Variants in DTL observed in about 807,000 individuals in gnomAD.
DTL encodes the protein denticleless E3 ubiquitin protein ligase adapter.
A neutral mutation model predicts 87.0 loss-of-function variants in DTL; 46 were observed. The observed-to-expected ratio is 0.53, with a 90% CI of 0.42 to 0.68. DTL has a LOEUF of 0.68. Among genes scored for constraint, DTL ranks in the 30% least tolerant of loss-of-function variants. The pLI, the probability that DTL is intolerant of heterozygous loss-of-function variation, is 0.00. For missense variants in DTL, 737 were observed against 869.4 expected (o/e 0.85, Z 1.91); for synonymous variants, 308 against 311.2 (o/e 0.99, Z 0.11).
chr1:212,045,483 A>C lies in DTL; in HGVS notation c.277+725A>C, dbSNP rs1412054163. ...ATTAATCAAGCATTTTTCATGTTTAAAGCAAAGTTCTAACCTTAAGAAGCT... is the reference window on the plus strand; with the variant it reads ...ATTAATCAAGCATTTTTCATGTTTACAGCAAAGTTCTAACCTTAAGAAGCT... On this transcript the variant is annotated intron_variant, in intron 3 of 14. Coordinates refer to ENST00000366991, the MANE Select transcript of DTL (RefSeq NM_016448.4). Among the ~76,000 whole-genome samples the C allele has an allele frequency of 2.0e-5, 3 of 152,240 alleles. No homozygotes were observed. The East Asian group carries it at 5.8e-4, about 29-fold the overall frequency.
At chr1:212,093,923 A>G (rs1458950476) in intron 13 of DTL, among the ~76,000 whole-genome samples, 1 of 152,110 alleles carries the variant, frequency 6.6e-6, no homozygotes, top group African/African-American at 2.4e-5. Flanking sequence ...ATTCCGTATC[A>G]TTTAAAGGGA....
chr1:212,056,469 A>G (rs1419944232), intron 5 of DTL, among the ~76,000 whole-genome samples: 1 of 152,174 alleles, frequency 6.6e-6, no homozygotes, highest in Non-Finnish European at 1.5e-5. Flanking sequence ...TCCAACCATC[A>G]CCATAGATAC....
Position 212,100,627 on chromosome 1 carries a change from A to G in DTL, c.1637A>G (p.Glu546Gly). The change falls in exon 14 of 15, where the codon GAG (glutamate) becomes GGG (glycine). Residue 546 changes from glutamate (E) to glycine (G), a missense_variant. Physicochemically the swap from Glu to Gly is moderately conservative, Grantham distance 98. Coordinates refer to ENST00000366991, the MANE Select transcript of DTL (RefSeq NM_016448.4). Reference protein sequence around the residue: ...QKSSQAEACSESRNRVKRRLD... With the variant: ...QKSSQAEACSGSRNRVKRRLD... ...TCATCCCAAGCAGAGGCTTGCTCTG[A>G]GTCTAGAAATAGAGTAAAGAGGAGG... The G allele has an allele frequency of 6.2e-7, 1 of 1,614,046 alleles. No homozygotes were observed. The highest frequency in any genetic ancestry group is 8.5e-7 in the Non-Finnish European group (1 of 1,180,018).
intron 5 of DTL, among the ~76,000 whole-genome samples, chr1:212,048,252 C>G (rs1056979567): frequency 6.6e-6 from 1 of 152,054 alleles, no homozygotes; most frequent in Non-Finnish European, 1.5e-5. Context: ...TGCAGAGGCT[C>G]GATCTCAGCT....
intron 5 of DTL, among the ~76,000 whole-genome samples, chr1:212,051,349 C>T (rs1363310151): frequency 1.4e-5 from 2 of 146,100 alleles, no homozygotes; most frequent in East Asian, 2.1e-4. Context: ...TAGTGTGAGT[C>T]TGATGGTAAT....
intron 13 of DTL, among the ~76,000 whole-genome samples, chr1:212,090,586 A>G (rs995118908): frequency 2.6e-5 from 4 of 152,192 alleles, no homozygotes; most frequent in African/African-American, 9.7e-5. Context: ...CCCGAGAGGG[A>G]AGAAGCATGA....
At chr1:212,098,073 C>T (rs1655502754) in intron 13 of DTL, among the ~76,000 whole-genome samples, 1 of 152,128 alleles carries the variant, frequency 6.6e-6, no homozygotes, top group Non-Finnish European at 1.5e-5. Flanking sequence ...GTGATGTGAT[C>T]TGTCTTCAGG....
At chr1:212,075,406 G>A (rs1654797896) in intron 11 of DTL, among the ~76,000 whole-genome samples, 1 of 152,116 alleles carries the variant, frequency 6.6e-6, no homozygotes, top group Non-Finnish European at 1.5e-5. Context: ...GGATATAAAT[G>A]TCTCTTAGAC....
chr1:212,035,977 C>T, intron 1 of DTL, 35 bp downstream of exon 1: 2 of 1,607,560 alleles, frequency 1.2e-6, no homozygotes, highest in Non-Finnish European at 1.7e-6. Flanking sequence ...TCGGAGCTGG[C>T]GGAATTCATT....
rs888377377 is a variant in DTL at position 212,072,302 on chromosome 1, C to T, written c.1035+89C>T. ...CCAATATGAGATAAGTTTAATGTAA[C>T]CACGTGCTATACTATTCCTGCATCA... On this transcript the variant is annotated intron_variant, in intron 11 of 14. Transcript: ENST00000366991. 4.0e-6 allele frequency: 4 copies of T among 991,354 alleles called. No homozygotes were observed. In the African/African-American group the frequency reaches 6.4e-5, roughly 16 times the overall value. 61.4% of individuals were successfully genotyped at this position (991,354 alleles called of 1,614,324 possible). A position where few individuals can be genotyped will look rare whatever the true frequency, so the allele number is the denominator to read the frequency against.
intron 5 of DTL, 86 bp downstream of exon 5, chr1:212,047,503 C>G (rs1667840630): frequency 2.0e-6 from 3 of 1,535,056 alleles, no homozygotes; most frequent in Non-Finnish European, 2.7e-6. Flanking sequence ...ACCCTTTCCC[C>G]TGTCAAAGTT....
intron 7 of DTL, among the ~76,000 whole-genome samples, chr1:212,065,753 T>C (rs1301530016): frequency 1.3e-5 from 2 of 152,216 alleles, no homozygotes; most frequent in African/African-American, 4.8e-5. Context: ...TCACCCAGGC[T>C]GGAGTGCAGT....
Position 212,086,443 on chromosome 1 carries a change from T to C in DTL, c.1261+5693T>C, listed in dbSNP as rs59580387. 4.5e-3 allele frequency among the ~76,000 whole-genome samples: 690 copies of C among 152,382 alleles called. 10 individuals are homozygous for C. The highest frequency in any genetic ancestry group is 0.016 in the African/African-American group (655 of 41,598). On this transcript the variant is annotated intron_variant, in intron 13 of 14. Coordinates refer to ENST00000366991, the MANE Select transcript of DTL (RefSeq NM_016448.4). ...GTTTTTCCCTTATACATAGAGATTC[T>C]TTTTAACAGAACCATAGTTGTACTG...
At chr1:212,048,587 T>C (rs1004224417) in intron 5 of DTL, among the ~76,000 whole-genome samples, 3 of 152,244 alleles carry the variant, frequency 2.0e-5, no homozygotes, top group Non-Finnish European at 2.9e-5. Context: ...TTAAGAGTTA[T>C]ATAACACAGC....
intron 5 of DTL, among the ~76,000 whole-genome samples, chr1:212,055,838 T>TACC (rs1349315363): frequency 6.6e-6 from 1 of 152,146 alleles, no homozygotes; most frequent in East Asian, 1.9e-4. Context: ...TACACGCCAC[T>TACC]ACCCAAGCAC....
At chr1:212,066,455 G>T (rs1211231095) in intron 7 of DTL, among the ~76,000 whole-genome samples, 1 of 152,118 alleles carries the variant, frequency 6.6e-6, no homozygotes, top group Non-Finnish European at 1.5e-5. Flanking sequence ...AATCTAGGTA[G>T]ACAGCAACAT....
chr1:212,100,594 G>A lies in DTL; in HGVS notation c.1604G>A (p.Ser535Asn), dbSNP rs1368505594. ...CCGAGAAAAGCCCTTATTCCTGTGA[G>A]CCAGAAGTCATCCCAAGCAGAGGCT... ...MSPRKALIPV[S>N]QKSSQAEACS... The change falls in exon 14 of 15, where the codon AGC (serine) becomes AAC (asparagine). Residue 535 changes from serine to asparagine, a missense_variant. Coordinates refer to ENST00000366991, the MANE Select transcript of DTL (RefSeq NM_016448.4). 1 of 1,613,938 alleles carries A rather than the reference G, an allele frequency of 6.2e-7. No individual in the cohort carries two copies. The highest frequency in any genetic ancestry group is 1.1e-5 in the South Asian group (1 of 91,082).
At chr1:212,059,174 A>G (rs1192661920) in intron 5 of DTL, among the ~76,000 whole-genome samples, 1 of 152,158 alleles carries the variant, frequency 6.6e-6, no homozygotes, top group Non-Finnish European at 1.5e-5. Flanking sequence ...CTCATTCTAC[A>G]AGGCCAGCAT....
intron 10 of DTL, 40 bp downstream of exon 10, chr1:212,068,743 A>G (rs1654585745): frequency 7.6e-7 from 1 of 1,309,238 alleles, no homozygotes; most frequent in African/African-American, 1.5e-5. Context: ...CCAGGAAAGC[A>G]TTATGGGCTT....
Sources: gnomAD v4.1 joint callset for allele counts (sites outside exome capture counted in the v4.1 genomes callset) on GRCh38, gnomAD v4.1.1 for gene constraint, MANE v1.5 for transcripts, NCBI Gene and HGNC (gene_info 2026-07-23, HGNC 2026-07-21) for gene names.